The following RNF213 variants were observed in gnomAD, a reference collection of about 807,000 sequenced individuals.
The protein encoded by RNF213 is E3 ubiquitin-protein ligase RNF213.
In RNF213, 341 loss-of-function variants were observed where a neutral mutation model predicts 514.4. That is an observed-to-expected ratio of 0.66 (90% CI 0.61 to 0.73). RNF213 has a LOEUF of 0.73. RNF213 is among the 30% of genes least tolerant of loss of function. RNF213 has a pLI of 0.00. For missense variants in RNF213, 5,767 were observed against 6,615.6 expected, an observed-to-expected ratio of 0.87 and a Z score of 4.45; for synonymous variants, 2,655 against 2,658.2, an observed-to-expected ratio of 1.00 and a Z score of 0.04.
At chr17:80,361,610 C>T in intron 38 of RNF213, 124 bp from the exon 39 acceptor site, 1 of 981,202 alleles carries the variant, frequency 1.0e-6, no homozygotes, top group South Asian at 1.3e-5. Context: ...GTTGGTACCC[C>T]TTTGTCTACG....
rs761090898 is a variant in RNF213, at chr17:80,273,337, C to T, written c.194C>T (p.Pro65Leu). 9.3e-6 allele frequency: 15 copies of T among 1,613,344 alleles called. No individual in the cohort carries two copies. The highest frequency in any genetic ancestry group is 1.3e-5 in the African/African-American group (1 of 74,906). ...GAGGAAGGGGGCCCGTGCTTGTTCC[C>T]GGGCTCAGACAGTTGGCAAGAAAAC... The part of the protein sequence containing the change: ...LKEEGGPCLF[P>L]GSDSWQENPE... Residue 65 changes from proline to leucine, a missense_variant, in exon 3 of 68, where the codon CCG becomes CTG. Around this residue, in one of 13 missense-constraint regions of RNF213, gnomAD observed 509 missense variants for 496.7 expected, o/e 1.02. Coordinates refer to ENST00000582970, the MANE Select transcript of RNF213 (RefSeq NM_001256071.3).
chr17:80,366,151 C>T (rs2079262633), intron 42 of RNF213, among the ~76,000 whole-genome samples: 2 of 152,226 alleles, frequency 1.3e-5, no homozygotes, highest in Non-Finnish European at 1.5e-5. Context: ...TGCCTTCCGC[C>T]GTGAGGCTGG....
chr17:80,389,377 A>G lies in RNF213; in HGVS notation c.15195+10A>G. ...GATTCACGTGTTAAAGGTGGGTCTC[A>G]CACCGAAAAGGAAATCAGCACAGCC... On this transcript the variant is annotated intron_variant, in intron 65 of 67. Transcript: ENST00000582970. The G allele has an allele frequency of 6.2e-7, 1 of 1,613,052 alleles. No homozygotes were observed. Among genetic ancestry groups the G allele is most frequent in the East Asian group, 2.2e-5 (1 of 44,870 alleles).
chr17:80,282,917 C>T (rs987288097), intron 3 of RNF213, among the ~76,000 whole-genome samples: 5 of 150,122 alleles, frequency 3.3e-5, no homozygotes, highest in African/African-American at 7.4e-5. Flanking sequence ...AGGCTGGTCT[C>T]GAACTCCTGA....
chr17:80,317,140 T>A lies in RNF213; in HGVS notation c.2812-48T>A. On this transcript the variant is annotated intron_variant, in intron 15 of 67. Coordinates refer to ENST00000582970, the MANE Select transcript of RNF213 (RefSeq NM_001256071.3). This position sits in a 1 kb window ranked among gnomAD's most constrained non-coding sequence, Gnocchi z 4.1. Reference sequence around the variant, plus strand: ...TTTCTCCTTTCATGGGAGTGTGCCGTGGCATTTAGTCGTGAGAGTGGGTGT... The same window carrying A: ...TTTCTCCTTTCATGGGAGTGTGCCGAGGCATTTAGTCGTGAGAGTGGGTGT... The A allele has an allele frequency of 6.4e-7, 1 of 1,573,228 alleles. No individual in the cohort carries two copies. Among genetic ancestry groups the A allele is most frequent in the Non-Finnish European group, 8.7e-7 (1 of 1,150,750 alleles).
At chr17:80,340,807 TG>T (rs1390226462) in intron 26 of RNF213, 6 of 166,792 alleles carry the variant, frequency 3.6e-5, no homozygotes, top group African/African-American at 9.7e-5. Flanking sequence ...TTTTGTTTTT[TG>T]TTTTTTGTTT....
intron 6 of RNF213, among the ~76,000 whole-genome samples, 155 bp from the exon 7 acceptor site, chr17:80,290,415 G>A (rs200111823): frequency 1.3e-4 from 12 of 90,152 alleles, no homozygotes; most frequent in African/African-American, 7.5e-4. Context: ...GTGTGTGTGC[G>A]TGTGTGCGAG....
At chr17:80,267,534 G>T (rs2145099010) in intron 2 of RNF213, among the ~76,000 whole-genome samples, 1 of 152,312 alleles carries the variant, frequency 6.6e-6, no homozygotes, top group East Asian at 1.9e-4. Context: ...GCAATGTCTG[G>T]AGAGGTCAAA....
chr17:80,389,505 C>T, intron 65 of RNF213, 138 bp downstream of exon 65: 2 of 778,558 alleles, frequency 2.6e-6, no homozygotes, highest in African/African-American at 1.7e-5. Context: ...ACTGCTCACC[C>T]AGTCAGTCCA....
At position 80,386,634 on chromosome 17, in the gene RNF213, A is replaced by G. The variant is rs1048090895; in HGVS notation, c.14721-56A>G. 1.0e-5 allele frequency: 16 copies of G among 1,577,650 alleles called. No individual in the cohort carries two copies. The African/African-American group carries it at 1.2e-4, about 12-fold the overall frequency. On this transcript the variant is annotated intron_variant, in intron 62 of 67. Transcript: ENST00000582970. ...TGGGAGCCTGCTCCCTGCAACATAG[A>G]GCCCTAGGCCCGCATGCCTGGCCTG...
chr17:80,332,307 G>A lies in RNF213; in HGVS notation c.3819G>A (p.Glu1273=). ...ESERHILELE[E]VYDYLYQPSY... ...AAAGGCACATCCTTGAGCTTGAAGA[G>A]GTGTATGACTATTTGTATCAGCCTT... Residue 1273 remains glutamate (E), a synonymous_variant, in exon 21 of 68, where the codon GAG becomes GAA. Transcript: ENST00000582970. 1 of 1,537,212 alleles carries A rather than the reference G, an allele frequency of 6.5e-7. No individual in the cohort carries two copies. The highest frequency in any genetic ancestry group is 8.7e-7 in the Non-Finnish European group (1 of 1,146,914).
chr17:80,326,536 C>T (rs2046286621), intron 18 of RNF213, among the ~76,000 whole-genome samples: 1 of 152,154 alleles, frequency 6.6e-6, no homozygotes, highest in African/African-American at 2.4e-5. Flanking sequence ...AAACCATGGC[C>T]TGTGTCCACC....
intron 14 of RNF213, 25 bp downstream of exon 14, chr17:80,309,196 A>G (rs779029651): frequency 1.2e-6 from 2 of 1,614,074 alleles, no homozygotes; most frequent in Non-Finnish European, 8.5e-7. Context: ...CACACAAGGT[A>G]TCACACCCGG....
intron 16 of RNF213, among the ~76,000 whole-genome samples, chr17:80,318,717 G>A (rs1421590550): frequency 2.0e-5 from 3 of 152,138 alleles, no homozygotes; most frequent in African/African-American, 7.2e-5. Context: ...GGGACTACAG[G>A]CGCCCGCCAC....
intron 3 of RNF213, among the ~76,000 whole-genome samples, chr17:80,286,667 G>A (rs2044482993): frequency 6.6e-6 from 1 of 152,140 alleles, no homozygotes; most frequent in Non-Finnish European, 1.5e-5. Flanking sequence ...GTCTTCCCAG[G>A]TATGTGGGTG....
At chr17:80,287,707 C>T (rs1238635336) in intron 3 of RNF213, 108 bp from the exon 4 acceptor site, 36 of 1,087,908 alleles carry the variant, frequency 3.3e-5, no homozygotes, top group East Asian at 2.8e-4. Flanking sequence ...GTACTTTGGT[C>T]GAGCCAAGCT....
At position 80,394,883 on chromosome 17, in the gene RNF213, G is replaced by A. The variant is rs1367120794; in HGVS notation, c.*1385G>A. The A allele has an allele frequency of 6.6e-6, 1 of 151,990 alleles. No individual in the cohort carries two copies. The highest frequency in any genetic ancestry group is 1.9e-4 in the East Asian group (1 of 5,196). The allele number at this position is 151,990 out of a possible 1,614,324, so 9.4% of individuals were successfully genotyped here. A position where few individuals can be genotyped will look rare whatever the true frequency, so the allele number is the denominator to read the frequency against. On this transcript the variant is annotated 3_prime_UTR_variant, in exon 68 of 68. Coordinates refer to ENST00000582970, the MANE Select transcript of RNF213 (RefSeq NM_001256071.3). Reference sequence around the variant, plus strand: ...TCATCTGTGATTGTTTTATCACTCTGGACTGTGCAGAGCCACCTGCCACCG... The same window carrying A: ...TCATCTGTGATTGTTTTATCACTCTAGACTGTGCAGAGCCACCTGCCACCG...
Position 80,307,190 on chromosome 17 carries a change from T to C in RNF213, c.2490T>C (p.Thr830=). 6.2e-7 allele frequency: 1 copy of C among 1,613,862 alleles called. No homozygotes were observed. The highest frequency in any genetic ancestry group is 1.7e-5 in the Admixed American group (1 of 59,992). The change falls in exon 13 of 68, where the codon ACT becomes ACC. Residue 830 remains threonine (T), a synonymous_variant. Transcript: ENST00000582970. ...ILEMLLRLLD[T]YRDKIPEEAL... is the part of the protein sequence containing the mutation. ...AAATGCTGTTGCGACTCCTGGACAC[T>C]TACCGGGACAAGTAAGTGGAAAGCA... is the stretch of plus-strand genomic sequence containing the variant.
In RNF213 at chr17:80,374,528, G is replaced by T. The variant is rs778836149; in HGVS notation, c.13013G>T (p.Arg4338Leu). 6.2e-7 allele frequency: 1 copy of T among 1,614,086 alleles called. No individual in the cohort carries two copies. Among genetic ancestry groups the T allele is most frequent in the African/African-American group, 1.3e-5 (1 of 74,926 alleles). The change falls in exon 50 of 68, where the codon CGT becomes CTT. Residue 4338 changes from arginine to leucine, a missense_variant. Coordinates refer to ENST00000582970, the MANE Select transcript of RNF213 (RefSeq NM_001256071.3). Reference protein sequence around the residue: ...LVYGDEYKALRDAVAKAVLEC... With the variant: ...LVYGDEYKALLDAVAKAVLEC... ...TACGGCGATGAATACAAGGCTCTCC[G>T]TGATGCTGTGGCCAAAGCTGTCCTC...
Sources: gnomAD v4.1 joint callset for allele counts (sites outside exome capture counted in the v4.1 genomes callset) on GRCh38, gnomAD v4.1.1 for gene constraint, gnomAD v4.1.1 regional missense constraint, Gnocchi (gnomAD v3.1) non-coding constraint, MANE v1.5 for transcripts, NCBI Gene and HGNC (gene_info 2026-07-23, HGNC 2026-07-21) for gene names.